Variants in CHD9 observed in about 807,000 individuals in gnomAD.
The protein encoded by CHD9 is ATP-dependent chromatin remodeler CHD9.
Under a neutral mutation model 316.1 loss-of-function variants are expected in CHD9, and 77 were observed. The ratio of observed to expected loss-of-function variants is 0.24; its 90% CI spans 0.20 to 0.29. The LOEUF (loss-of-function observed/expected upper bound fraction) is 0.29. Ranked by LOEUF, CHD9 falls within the 10% of genes least tolerant of loss-of-function variation. The pLI, the probability that CHD9 is intolerant of heterozygous loss-of-function variation, is 1.00. For synonymous variants in CHD9, 1,129 were observed against 1,158.3 expected (o/e 0.97, Z 0.51); for missense variants, 2,763 against 3,438.1 (o/e 0.80, Z 4.91).
intron 30 of CHD9, chr16:53,299,160 A>G (rs2055105912): frequency 6.0e-6 from 1 of 166,820 alleles, no homozygotes; most frequent in East Asian, 1.7e-4. Flanking sequence ...GGTATGGCCA[A>G]TTAATTGAAA....
intron 1 of CHD9, among the ~76,000 whole-genome samples, chr16:53,079,767 T>G (rs1340016294): frequency 1.3e-5 from 2 of 152,118 alleles, no homozygotes; most frequent in African/African-American, 4.8e-5. Flanking sequence ...TTGAGGAGCA[T>G]CTGGGTTGGT....
intron 1 of CHD9, among the ~76,000 whole-genome samples, chr16:53,154,804 T>C (rs1017327996): frequency 1.3e-5 from 2 of 152,182 alleles, no homozygotes; most frequent in Non-Finnish European, 2.9e-5. Flanking sequence ...ACCCATTCCA[T>C]CTGCAGCCTG....
chr16:53,222,667 A>G lies in CHD9; in HGVS notation c.1808A>G (p.Lys603Arg), dbSNP rs758566180. 13 of 1,550,198 alleles carry G rather than the reference A, an allele frequency of 8.4e-6. No individual in the cohort carries two copies. In the East Asian group the frequency reaches 1.8e-4, roughly 22 times the overall value. ...KIGKLIITLG[K>R]KQKRKNESSD... ...AGCAAACTCATTATTACATTGGGTA[A>G]GAAACAAAAAAGAAAGAATGAGTCT... The change falls in exon 4 of 39, where the codon AAG (lysine) becomes AGG (arginine). Residue 603 changes from lysine (K) to arginine (R), a missense_variant. Lys to Arg is a conservative substitution (Grantham distance 26, BLOSUM62 2). This residue lies in a region of CHD9 where 859 missense variants were observed against 890.4 expected (regional missense o/e 0.96). Transcript: ENST00000447540.
chr16:53,301,796 C>T (rs1427795501), intron 30 of CHD9, among the ~76,000 whole-genome samples: 3 of 140,374 alleles, frequency 2.1e-5, no homozygotes, highest in Admixed American at 7.5e-5. Context: ...GATGGAGTCT[C>T]GCTCTGTCGC....
chr16:53,285,186 C>T (rs1029190696), intron 24 of CHD9, among the ~76,000 whole-genome samples: 1 of 152,130 alleles, frequency 6.6e-6, no homozygotes, highest in African/African-American at 2.4e-5. Flanking sequence ...CAGCCTAAAA[C>T]AATTCATTTA....
chr16:53,244,430 A>T (rs1037320117), intron 13 of CHD9, among the ~76,000 whole-genome samples: 12 of 152,222 alleles, frequency 7.9e-5, no homozygotes, highest in African/African-American at 2.9e-4. Context: ...CGACCTCGTG[A>T]TCTGCCTGCC....
Position 53,324,387 on chromosome 16 carries a change from G to A in CHD9, c.8186G>A (p.Gly2729Glu), listed in dbSNP as rs2057457259. The change falls in exon 39 of 39, where the codon GGA becomes GAA. Residue 2729 changes from glycine (G) to glutamate (E), a missense_variant. Gly to Glu is a moderately conservative substitution (Grantham distance 98). This residue lies in a region of CHD9 where 298 missense variants were observed against 380.2 expected (regional missense o/e 0.78). Coordinates refer to ENST00000447540, the MANE Select transcript of CHD9 (RefSeq NM_001308319.2). ...TTACCAAATCTGTTGGGCATGGGAGGACTCCTGACAAAGCCTACGGAATCT... is the reference window on the plus strand; with the variant it reads ...TTACCAAATCTGTTGGGCATGGGAGAACTCCTGACAAAGCCTACGGAATCT... Reference protein sequence around the residue: ...AGLPNLLGMGGLLTKPTESGT... With the variant: ...AGLPNLLGMGELLTKPTESGT... 1 of 1,613,870 alleles carries A rather than the reference G, an allele frequency of 6.2e-7. No homozygotes were observed. The highest frequency in any genetic ancestry group is 1.7e-5 in the Admixed American group (1 of 59,998).
chr16:53,135,613 A>T (rs1303868588), intron 1 of CHD9, among the ~76,000 whole-genome samples: 1 of 152,162 alleles, frequency 6.6e-6, no homozygotes, highest in African/African-American at 2.4e-5. Context: ...GATGAAGAAG[A>T]TGAGGGAAAG....
chr16:53,307,269 G>A (rs2056070875), intron 32 of CHD9, among the ~76,000 whole-genome samples: 1 of 151,988 alleles, frequency 6.6e-6, no homozygotes, highest in African/African-American at 2.4e-5. Flanking sequence ...ATAATTTTTT[G>A]TCTGTTTGTT....
At chr16:53,158,005 A>C (rs1449610920) in intron 2 of CHD9, among the ~76,000 whole-genome samples, 1 of 152,204 alleles carries the variant, frequency 6.6e-6, no homozygotes, top group Non-Finnish European at 1.5e-5. Flanking sequence ...AAAGGAAATT[A>C]AATTAGTAAA....
chr16:53,081,869 GAATA>G (rs539224446), intron 1 of CHD9, among the ~76,000 whole-genome samples: 60 of 151,912 alleles, frequency 3.9e-4, no homozygotes, highest in African/African-American at 1.2e-3. Flanking sequence ...ATGAATGAAT[GAATA>G]AACCAATAAC....
rs1567483589 is a variant in CHD9 at position 53,209,761 on chromosome 16, G to C, written c.1732G>C (p.Asp578His). The change falls in exon 3 of 39, where the codon GAC (aspartate) becomes CAC (histidine). Residue 578 changes from aspartate to histidine, a missense_variant. Asp to His is a moderately conservative substitution (Grantham distance 81). Transcript: ENST00000447540. ...RRMKSKPKDKDSKKTKTCSKL... is the reference protein window; with the variant it reads ...RRMKSKPKDKHSKKTKTCSKL... ...GATGAAATCCAAGCCAAAGGACAAA[G>C]ACAGCAAAAAAACAAAAACATGTTC... 6.2e-7 allele frequency: 1 copy of C among 1,607,814 alleles called. No individual in the cohort carries two copies. The highest frequency in any genetic ancestry group is 1.7e-5 in the Admixed American group (1 of 58,688).
chr16:53,133,585 C>A (rs2039495637), intron 1 of CHD9, among the ~76,000 whole-genome samples: 1 of 152,116 alleles, frequency 6.6e-6, no homozygotes, highest in Non-Finnish European at 1.5e-5. Context: ...TTAGTTTCCT[C>A]CTGTGTAAAA....
At chr16:53,092,954 T>G (rs982522992) in intron 1 of CHD9, among the ~76,000 whole-genome samples, 24 of 152,236 alleles carry the variant, frequency 1.6e-4, no homozygotes, top group African/African-American at 4.8e-4. Context: ...AATTTTTGCA[T>G]TCTTTGTAAA....
chr16:53,139,856 G>A (rs1185114502), intron 1 of CHD9, among the ~76,000 whole-genome samples: 1 of 152,106 alleles, frequency 6.6e-6, no homozygotes, highest in Non-Finnish European at 1.5e-5. Context: ...CCAGCACTTT[G>A]GGAGGCTGAG....
intron 2 of CHD9, among the ~76,000 whole-genome samples, chr16:53,178,836 C>T (rs1037660708): frequency 2.0e-5 from 3 of 152,080 alleles, no homozygotes; most frequent in African/African-American, 4.8e-5. Context: ...TATATATGTA[C>T]TTGGGATTCT....
intron 1 of CHD9, among the ~76,000 whole-genome samples, chr16:53,077,160 G>T (rs1028139132): frequency 3.3e-5 from 5 of 151,632 alleles, no homozygotes; most frequent in Admixed American, 1.3e-4. Flanking sequence ...ACTAATTTTT[G>T]TATTTTTAGT....
intron 1 of CHD9, among the ~76,000 whole-genome samples, chr16:53,076,046 C>T (rs1292931123): frequency 2.0e-5 from 3 of 151,982 alleles, no homozygotes; most frequent in African/African-American, 2.4e-5. Context: ...GCTTATTGGC[C>T]GTTTATATAT....
chr16:53,096,308 C>T (rs2036374418), intron 1 of CHD9, among the ~76,000 whole-genome samples: 1 of 152,002 alleles, frequency 6.6e-6, no homozygotes, highest in Admixed American at 6.6e-5. Context: ...AACTTTGGGT[C>T]GCCAATACCC....
Sources: gnomAD v4.1 joint callset for allele counts (sites outside exome capture counted in the v4.1 genomes callset) on GRCh38, gnomAD v4.1.1 for gene constraint, gnomAD v4.1.1 regional missense constraint, MANE v1.5 for transcripts, NCBI Gene and HGNC (gene_info 2026-07-23, HGNC 2026-07-21) for gene names.